KDM4C: variants seen among roughly 807,000 people sequenced by gnomAD.
The protein encoded by KDM4C is lysine-specific demethylase 4C.
A neutral mutation model predicts 129.3 loss-of-function variants in KDM4C; 81 were observed. The ratio of observed to expected loss-of-function variants is 0.63; its 90% CI spans 0.52 to 0.75. KDM4C has a LOEUF of 0.75. KDM4C is among the 30% of genes least tolerant of loss of function. The pLI is 0.00. For synonymous variants in KDM4C, 573 were observed against 456.1 expected, an observed-to-expected ratio of 1.26 and a Z score of -3.26; for missense variants, 1,457 against 1,304.0, an observed-to-expected ratio of 1.12 and a Z score of -1.81.
intron 6 of KDM4C, among the ~76,000 whole-genome samples, chr9:6,882,290 TGGA>T (rs533837089): frequency 3.5e-4 from 53 of 152,342 alleles, no homozygotes; most frequent in Non-Finnish European, 7.3e-4. Flanking sequence ...ATTGCAAATA[TGGA>T]GGAGAAGAGA....
At chr9:6,798,209 T>A (rs1335812824) in intron 2 of KDM4C, among the ~76,000 whole-genome samples, 3 of 152,160 alleles carry the variant, frequency 2.0e-5, no homozygotes, top group African/African-American at 7.2e-5. Flanking sequence ...TTTAGAAAAT[T>A]GCTGCAAAAT....
At chr9:6,775,243 C>G (rs1469796427) in intron 1 of KDM4C, among the ~76,000 whole-genome samples, 2 of 152,068 alleles carry the variant, frequency 1.3e-5, no homozygotes, top group African/African-American at 2.4e-5. Flanking sequence ...TCTTGAACTC[C>G]TCACCTCAAG....
In KDM4C at chr9:6,781,062, C is replaced by G. The variant is rs543416256; in HGVS notation, c.-17-11910C>G. Among the ~76,000 whole-genome samples, 8 of 152,220 alleles carry G rather than the reference C, an allele frequency of 5.3e-5. No homozygotes were observed. The East Asian group carries it at 1.5e-3, about 29-fold the overall frequency. ...CTGCTGTAGCCCCTCATGGCATTGT[C>G]TCTGCTCTCTAGTTCTGAGTCCCGG... On this transcript the variant is annotated intron_variant, in intron 1 of 21. Transcript: ENST00000381309.
chr9:7,077,539 A>G (rs1407642653), intron 17 of KDM4C, among the ~76,000 whole-genome samples: 1 of 152,182 alleles, frequency 6.6e-6, no homozygotes, highest in African/African-American at 2.4e-5. Context: ...ATTTTGTAAA[A>G]CTGGGGCTAA....
In KDM4C at chr9:6,984,236, G is replaced by A. The variant is rs2296067; in HGVS notation, c.1186G>A (p.Asp396Asn). ...GGAAGAGGAAGTGTCAGATGAAGTC[G>A]ATGGGGCAGAGGTCCCTAACCCCGA... The part of the protein sequence containing the change: ...DEEEEVSDEV[D>N]GAEVPNPDSV... The change falls in exon 10 of 22, where the codon GAT becomes AAT. Residue 396 changes from aspartate (D) to asparagine (N), a missense_variant. Physicochemically the swap from Asp to Asn is conservative, Grantham distance 23. Coordinates refer to ENST00000381309, the MANE Select transcript of KDM4C (RefSeq NM_015061.6). 392,500 of 1,613,208 alleles carry A rather than the reference G, an allele frequency of 0.24. 51,442 individuals carry two copies. The highest frequency in any genetic ancestry group is 0.43 in the South Asian group (39,540 of 91,054).
chr9:6,723,271 A>T (rs1401792105), intron 1 of KDM4C, among the ~76,000 whole-genome samples: 1 of 152,062 alleles, frequency 6.6e-6, no homozygotes, highest in Non-Finnish European at 1.5e-5. Flanking sequence ...GCTACTCGGG[A>T]GGCTGAGGTA....
intron 5 of KDM4C, among the ~76,000 whole-genome samples, chr9:6,850,808 G>A (rs1838705456): frequency 6.6e-6 from 1 of 152,108 alleles, no homozygotes; most frequent in Admixed American, 6.5e-5. Flanking sequence ...AGGCTGGAGT[G>A]CAGTGGTGCG....
chr9:6,779,875 C>T (rs1201462550), intron 1 of KDM4C, among the ~76,000 whole-genome samples: 1 of 152,148 alleles, frequency 6.6e-6, no homozygotes, highest in Non-Finnish European at 1.5e-5. Flanking sequence ...GATAATAATC[C>T]TTTCTAATAA....
chr9:7,092,224 C>G (rs1835891223), intron 17 of KDM4C, among the ~76,000 whole-genome samples: 1 of 152,130 alleles, frequency 6.6e-6, no homozygotes, highest in African/African-American at 2.4e-5. Flanking sequence ...CCATTAATCA[C>G]CACAGTAATC....
intron 18 of KDM4C, among the ~76,000 whole-genome samples, chr9:7,113,422 T>C (rs944412152): frequency 9.9e-5 from 15 of 152,238 alleles, no homozygotes; most frequent in South Asian, 2.1e-4. Flanking sequence ...TTAATTTTGC[T>C]AGGAAATTTA....
chr9:6,940,034 T>C (rs7873476), intron 8 of KDM4C, among the ~76,000 whole-genome samples: 23,920 of 65,256 alleles, frequency 0.37, 2,795 homozygotes, highest in South Asian at 0.43. Flanking sequence ...TCCTTCCTTC[T>C]TTCCTTCCTT....
At chr9:6,894,581 T>C (rs1188519071) in intron 8 of KDM4C, among the ~76,000 whole-genome samples, 1 of 152,256 alleles carries the variant, frequency 6.6e-6, no homozygotes, top group Admixed American at 6.5e-5. Flanking sequence ...CCACAAATAT[T>C]GATTCTTGTT....
intron 20 of KDM4C, among the ~76,000 whole-genome samples, chr9:7,169,342 A>T (rs935604831): frequency 1.3e-5 from 2 of 151,878 alleles, no homozygotes; most frequent in East Asian, 1.9e-4. Context: ...TTATTTATTT[A>T]TTTTTTTGTT....
intron 5 of KDM4C, among the ~76,000 whole-genome samples, chr9:6,861,100 C>T (rs897804295): frequency 2.6e-5 from 4 of 152,356 alleles, no homozygotes; most frequent in African/African-American, 7.2e-5. Flanking sequence ...TTGAAACTAA[C>T]ACATCTATAA....
chr9:6,900,246 G>C (rs1021710526), intron 8 of KDM4C, among the ~76,000 whole-genome samples: 1 of 152,148 alleles, frequency 6.6e-6, no homozygotes, highest in Admixed American at 6.5e-5. Context: ...AGAAAATAGG[G>C]CAGTGAGGCC....
chr9:7,157,613 G>A (rs1050887726), intron 19 of KDM4C, among the ~76,000 whole-genome samples: 10 of 152,104 alleles, frequency 6.6e-5, no homozygotes, highest in African/African-American at 4.8e-5. Flanking sequence ...TGAGATAATC[G>A]TGTGGTTTTT....
intron 1 of KDM4C, among the ~76,000 whole-genome samples, chr9:6,786,195 A>C (rs765920949): frequency 2.0e-5 from 3 of 152,206 alleles, no homozygotes; most frequent in Non-Finnish European, 2.9e-5. Context: ...AGAGTATTAC[A>C]TTTGGCCGGA....
chr9:6,973,812 G>A (rs1365598011), intron 8 of KDM4C: 2 of 152,136 alleles, frequency 1.3e-5, no homozygotes, highest in Admixed American at 1.3e-4. Flanking sequence ...TCATACTGCT[G>A]TTTGACTTGT....
At chr9:7,066,894 C>G (rs571886552) in intron 17 of KDM4C, among the ~76,000 whole-genome samples, 1 of 152,282 alleles carries the variant, frequency 6.6e-6, no homozygotes, top group East Asian at 1.9e-4. Flanking sequence ...TTACGTTTCT[C>G]AAAGCAATTC....
Sources: gnomAD v4.1 joint callset for allele counts (sites outside exome capture counted in the v4.1 genomes callset) on GRCh38, gnomAD v4.1.1 for gene constraint, MANE v1.5 for transcripts, NCBI Gene and HGNC (gene_info 2026-07-23, HGNC 2026-07-21) for gene names.